Variants in RFTN2 observed in about 807,000 individuals in gnomAD.
The protein encoded by RFTN2 is raftlin-2.
Under a neutral mutation model 52.7 loss-of-function variants are expected in RFTN2, and 34 were observed. The ratio of observed to expected loss-of-function variants is 0.64; its 90% CI spans 0.49 to 0.86. RFTN2 has a LOEUF of 0.86. Ranked by LOEUF, RFTN2 falls within the 40% of genes least tolerant of loss-of-function variation. The pLI is 0.00. For missense variants in RFTN2, 536 were observed against 600.1 expected, an observed-to-expected ratio of 0.89 and a Z score of 1.12; for synonymous variants, 203 against 217.7, an observed-to-expected ratio of 0.93 and a Z score of 0.59.
intron 1 of RFTN2, among the ~76,000 whole-genome samples, chr2:197,653,380 G>A (rs1163064615): frequency 2.6e-5 from 4 of 152,122 alleles, no homozygotes. Flanking sequence ...GAGGAACAGG[G>A]CACCATCTGG....
At chr2:197,649,287 G>A (rs2088794131) in intron 1 of RFTN2, among the ~76,000 whole-genome samples, 1 of 152,070 alleles carries the variant, frequency 6.6e-6, no homozygotes. Context: ...TAGAGGTAAA[G>A]GTCATATTTA....
intron 1 of RFTN2, among the ~76,000 whole-genome samples, chr2:197,673,284 A>C (rs531244038): frequency 1.3e-5 from 2 of 152,166 alleles, no homozygotes; most frequent in South Asian, 4.2e-4. Context: ...GTTTTAACCC[A>C]CCCATGACCC....
At chr2:197,595,021 G>C (rs566161226) in intron 8 of RFTN2, among the ~76,000 whole-genome samples, 4 of 152,272 alleles carry the variant, frequency 2.6e-5, no homozygotes, top group African/African-American at 9.6e-5. Context: ...ATAGTTTTCT[G>C]GTCCATTTTC....
rs752766851 is a variant in RFTN2, at chr2:197,615,969, A to G, written c.1061T>C (p.Ile354Thr). The G allele has an allele frequency of 1.9e-6, 3 of 1,550,454 alleles. No individual in the cohort carries two copies. The highest frequency in any genetic ancestry group is 3.9e-5 in the Admixed American group (2 of 51,620). The change falls in exon 7 of 9, where the codon ATC (isoleucine) becomes ACC (threonine). Residue 354 changes from isoleucine to threonine, a missense_variant. By Grantham distance (89) the Ile-to-Thr change is moderately conservative. Transcript: ENST00000295049. ...EQWTVIEGCEIKTDYGPLLHT... is the reference protein window; with the variant it reads ...EQWTVIEGCETKTDYGPLLHT... ...CAGCAGAGGGCCATAATCTGTTTTG[A>G]TTTCACATCCCTGCATGAATAAGTA...
At chr2:197,639,812 C>T (rs1352739135) in intron 3 of RFTN2, among the ~76,000 whole-genome samples, 97 of 142,384 alleles carry the variant, frequency 6.8e-4, no homozygotes, top group African/African-American at 2.4e-3. Context: ...GGAGGAGAGG[C>T]GCTCTGCGTT....
chr2:197,652,914 T>C (rs1483236451), intron 1 of RFTN2, among the ~76,000 whole-genome samples: 1 of 152,196 alleles, frequency 6.6e-6, no homozygotes, highest in Non-Finnish European at 1.5e-5. Flanking sequence ...TGCAAACTAA[T>C]TATAAGCCAA....
chr2:197,580,389 A>C (rs528542948), intron 8 of RFTN2, among the ~76,000 whole-genome samples: 116 of 152,340 alleles, frequency 7.6e-4, no homozygotes, highest in Non-Finnish European at 7.3e-4. Context: ...ATCTTGCTTC[A>C]AGTGCTGGCT....
intron 5 of RFTN2, among the ~76,000 whole-genome samples, chr2:197,622,672 T>C (rs1163418692): frequency 6.6e-6 from 1 of 152,212 alleles, no homozygotes; most frequent in African/African-American, 2.4e-5. Context: ...AGGACTTTCA[T>C]TGCTAGAGAG....
intron 1 of RFTN2, among the ~76,000 whole-genome samples, chr2:197,658,271 T>A (rs182131541): frequency 6.6e-6 from 1 of 151,980 alleles, no homozygotes; most frequent in East Asian, 1.9e-4. Context: ...ACCTTACTTA[T>A]GAGGGATGTG....
chr2:197,624,858 A>T (rs1206238859), intron 5 of RFTN2, among the ~76,000 whole-genome samples: 1 of 152,060 alleles, frequency 6.6e-6, no homozygotes, highest in Non-Finnish European at 1.5e-5. Flanking sequence ...CCAACGTGGG[A>T]AGATTGCTTG....
intron 1 of RFTN2, among the ~76,000 whole-genome samples, chr2:197,666,275 G>T (rs2089056027): frequency 6.6e-6 from 1 of 152,152 alleles, no homozygotes; most frequent in Non-Finnish European, 1.5e-5. Context: ...AGTAGAAACA[G>T]GGCTTCACCA....
intron 3 of RFTN2, among the ~76,000 whole-genome samples, chr2:197,643,881 T>A (rs2088709710): frequency 6.6e-6 from 1 of 152,228 alleles, no homozygotes; most frequent in Non-Finnish European, 1.5e-5. Flanking sequence ...CAGCATTCAT[T>A]AAATAATGGT....
chr2:197,618,510 C>T (rs1461479042), intron 5 of RFTN2, among the ~76,000 whole-genome samples: 2 of 152,050 alleles, frequency 1.3e-5, no homozygotes, highest in African/African-American at 2.4e-5. Context: ...GCCGCCACCC[C>T]GTCTGGGAAG....
rs1491168181 is a variant in RFTN2 at position 197,616,270 on chromosome 2, T to TTTTA, written c.1051-295_1051-292dup. 6.5e-3 allele frequency among the ~76,000 whole-genome samples: 395 copies of TTTTA among 60,716 alleles called. 29 individuals carry two copies. Among genetic ancestry groups the TTTTA allele is most frequent in the African/African-American group, 0.021 (289 of 13,656 alleles). The allele number at this position is 60,716 out of a possible 152,430, so 39.8% of individuals were successfully genotyped here. ...GGGGTTGGGGAGCTGGGAATCTGCA[T>TTTTA]TTTATTTTATTTTATTTTATTTTAT... On this transcript the variant is annotated intron_variant, in intron 6 of 8. Transcript: ENST00000295049.
chr2:197,669,642 G>A (rs1032394248), intron 1 of RFTN2, among the ~76,000 whole-genome samples: 2 of 152,122 alleles, frequency 1.3e-5, no homozygotes, highest in East Asian at 1.9e-4. Context: ...TGCACGCGCA[G>A]TTCACAATAC....
At chr2:197,577,909 A>AT (rs35032953) in intron 8 of RFTN2, among the ~76,000 whole-genome samples, 4 of 151,968 alleles carry the variant, frequency 2.6e-5, no homozygotes, top group East Asian at 1.9e-4. Context: ...TAGAGATGGG[A>AT]TTTTGCCATG....
rs1287536741 is a variant in RFTN2 at position 197,571,784 on chromosome 2, T to C, written c.*224A>G. 1.8e-6 allele frequency: 1 copy of C among 552,030 alleles called. No homozygotes were observed. The highest frequency in any genetic ancestry group is 3.2e-6 in the Non-Finnish European group (1 of 310,294). The allele number at this position is 552,030 out of a possible 1,614,324, so 34.2% of individuals were successfully genotyped here. A position where few individuals can be genotyped will look rare whatever the true frequency, so the allele number is the denominator to read the frequency against. On this transcript the variant is annotated 3_prime_UTR_variant, in exon 9 of 9. Coordinates refer to ENST00000295049, the MANE Select transcript of RFTN2 (RefSeq NM_144629.3). ...CGAATGGAACATCTGTTTAACCAGA[T>C]GTTTTAGTTGAGAGAAGTGTAAACA...
At chr2:197,575,861 ATATT>A (rs1485615571) in intron 8 of RFTN2, among the ~76,000 whole-genome samples, 1 of 142,376 alleles carries the variant, frequency 7.0e-6, no homozygotes, top group Non-Finnish European at 1.5e-5. Context: ...TATACATAAT[ATATT>A]TATATATTAT....
At chr2:197,668,458 A>G (rs11900196) in intron 1 of RFTN2, among the ~76,000 whole-genome samples, 7,277 of 152,148 alleles carry the variant, frequency 0.048, 559 homozygotes, top group African/African-American at 0.16. Context: ...AACATATGTG[A>G]TGCTTGTGCC....
Sources: gnomAD v4.1 joint callset for allele counts (sites outside exome capture counted in the v4.1 genomes callset) on GRCh38, gnomAD v4.1.1 for gene constraint, MANE v1.5 for transcripts, NCBI Gene and HGNC (gene_info 2026-07-23, HGNC 2026-07-21) for gene names.